PDE3B: variants seen among roughly 807,000 people sequenced by gnomAD.
PDE3B encodes phosphodiesterase 3B, also known as cGMP-inhibited 3',5'-cyclic phosphodiesterase 3B.
In PDE3B, 66 loss-of-function variants were observed where a neutral mutation model predicts 116.8. The observed-to-expected ratio is 0.56, with a 90% CI of 0.46 to 0.69. The LOEUF is 0.69. Ranked by LOEUF, PDE3B falls within the 30% of genes least tolerant of loss-of-function variation. The probability of loss-of-function intolerance (pLI) is 0.00; values close to 1 mark genes in which losing one functional copy is unlikely to be tolerated. For synonymous variants in PDE3B, 595 were observed against 533.6 expected (o/e 1.12, Z -1.59); for missense variants, 1,384 against 1,368.1 (o/e 1.01, Z -0.18).
At chr11:14,733,389 C>T (rs1018170013) in intron 1 of PDE3B, among the ~76,000 whole-genome samples, 1 of 152,006 alleles carries the variant, frequency 6.6e-6, no homozygotes, top group Non-Finnish European at 1.5e-5. Context: ...TCTTTTACTC[C>T]CAACCTCTCT....
intron 1 of PDE3B, among the ~76,000 whole-genome samples, chr11:14,650,201 GTT>G (rs59519371): frequency 4.8e-4 from 63 of 130,804 alleles, no homozygotes; most frequent in South Asian, 5.0e-4. Flanking sequence ...ATTCAGCAAT[GTT>G]TTTTTTTTTT....
chr11:14,887,944 C>T, the PDE3B span, among the ~76,000 whole-genome samples: 1 of 152,186 alleles, frequency 6.6e-6, no homozygotes, highest in African/African-American at 2.4e-5. Context: ...CTAATTTCAT[C>T]CTTGTCTTTT....
downstream of PDE3B, among the ~76,000 whole-genome samples, chr11:14,872,928 T>C (rs1365373213): frequency 6.6e-6 from 1 of 152,152 alleles, no homozygotes; most frequent in African/African-American, 2.4e-5. Context: ...TGTTCAAGGG[T>C]CAGCTGTATT....
chr11:14,893,602 GC>G, the PDE3B span, among the ~76,000 whole-genome samples: 2 of 152,168 alleles, frequency 1.3e-5, no homozygotes, highest in African/African-American at 4.8e-5. Context: ...TCTAGAGGCT[GC>G]CCACATTCCT....
intron 4 of PDE3B, among the ~76,000 whole-genome samples, chr11:14,802,157 C>A (rs182383050): frequency 6.6e-6 from 1 of 152,168 alleles, no homozygotes; most frequent in Non-Finnish European, 1.5e-5. Flanking sequence ...GTCTTGCTGG[C>A]GTTCCAGGTG....
At position 14,644,430 on chromosome 11, in the gene PDE3B, T is replaced by C. The variant is rs2133735724; in HGVS notation, c.355T>C (p.Leu119=). Residue 119 remains leucine (L), a synonymous_variant, in exon 1 of 16, where the codon TTG becomes CTG. Coordinates refer to ENST00000282096, the MANE Select transcript of PDE3B (RefSeq NM_000922.4). The stretch of plus-strand genomic sequence containing the variant: ...GCTGCTGAGCGTGTGTTCGCACAGC[T>C]TGAGCCCCCTCTTCAGCATCGCCTG... ...RTLLSVCSHS[L]SPLFSIACAF... is the part of the protein sequence containing the mutation. The C allele has an allele frequency of 6.2e-7, 1 of 1,612,646 alleles. No homozygotes were observed. The highest frequency in any genetic ancestry group is 8.5e-7 in the Non-Finnish European group (1 of 1,179,510).
Position 14,818,175 on chromosome 11 carries a change from T to G in PDE3B, c.1523-8T>G. The G allele has an allele frequency of 6.3e-7, 1 of 1,579,486 alleles. No homozygotes were observed. The highest frequency in any genetic ancestry group is 8.7e-7 in the Non-Finnish European group (1 of 1,149,590). ...ATTTATCTATCTCCTTTCTTTTAAT[T>G]TTTAAAGGTGTTTTGTCCAGTCTGA... On this transcript the variant is annotated splice_polypyrimidine_tract_variant and splice_region_variant and intron_variant, in intron 5 of 15. Transcript: ENST00000282096.
At position 14,807,023 on chromosome 11, in the gene PDE3B, C is replaced by T. The variant is rs184103499; in HGVS notation, c.1522+2973C>T. Among the ~76,000 whole-genome samples, 75 of 152,110 alleles carry T rather than the reference C, an allele frequency of 4.9e-4. 1 individual carries two copies. In the East Asian group the frequency reaches 8.1e-3, roughly 16 times the overall value. On this transcript the variant is annotated intron_variant, in intron 5 of 15. Coordinates refer to ENST00000282096, the MANE Select transcript of PDE3B (RefSeq NM_000922.4). ...ATCACAAGAACAGAAAACTAAACAC[C>T]GCATGTTCTCACTCATAAGTGGGAG...
intron 1 of PDE3B, among the ~76,000 whole-genome samples, chr11:14,685,695 A>G (rs1332488976): frequency 6.6e-6 from 1 of 152,002 alleles, no homozygotes; most frequent in Non-Finnish European, 1.5e-5. Flanking sequence ...ACCTCAGGTG[A>G]TCCACGCGCC....
intron 10 of PDE3B, 32 bp downstream of exon 10, chr11:14,832,865 C>A: frequency 1.1e-6 from 1 of 927,778 alleles, no homozygotes; most frequent in South Asian, 1.5e-5. Context: ...TATTTAAGTT[C>A]AAATAATATG....
intron 1 of PDE3B, among the ~76,000 whole-genome samples, chr11:14,679,635 G>T (rs540314751): frequency 9.9e-5 from 15 of 151,912 alleles, no homozygotes; most frequent in African/African-American, 3.6e-4. Context: ...TTTCTGGCTG[G>T]GATCACTCTG....
At chr11:14,702,652 T>G (rs953368330) in intron 1 of PDE3B, among the ~76,000 whole-genome samples, 1 of 151,874 alleles carries the variant, frequency 6.6e-6, no homozygotes, top group African/African-American at 2.4e-5. Flanking sequence ...AAATTAAAAT[T>G]AAAATGAATG....
the PDE3B span, chr11:14,890,784 G>C: frequency 2.5e-6 from 2 of 790,696 alleles, no homozygotes; most frequent in Non-Finnish European, 3.1e-6. Flanking sequence ...TCCTGATTTC[G>C]TGATCCGCCC....
Position 14,869,858 on chromosome 11 carries a change from T to C in PDE3B, c.*198T>C, listed in dbSNP as rs1848114594. On this transcript the variant is annotated 3_prime_UTR_variant, in exon 16 of 16. Coordinates refer to ENST00000282096, the MANE Select transcript of PDE3B (RefSeq NM_000922.4). ...CACTTTCACAGGAACTAGAAAACTA[T>C]TCTTAAACCAAAAATACCATCCGTG... The C allele has an allele frequency of 1.9e-6, 1 of 515,908 alleles. No homozygotes were observed. The highest frequency in any genetic ancestry group is 3.4e-6 in the Non-Finnish European group (1 of 293,318). The allele number at this position is 515,908 out of a possible 1,614,324, so 32.0% of individuals were successfully genotyped here.
chr11:14,879,570 G>A, the PDE3B span: 2 of 667,408 alleles, frequency 3.0e-6, no homozygotes, highest in South Asian at 3.5e-5. Flanking sequence ...TCCAGATTCA[G>A]ATTTTTTATT....
At chr11:14,693,015 A>G (rs532924008) in intron 1 of PDE3B, among the ~76,000 whole-genome samples, 5 of 152,324 alleles carry the variant, frequency 3.3e-5, no homozygotes, top group Admixed American at 2.0e-4. Context: ...AGTGAACACA[A>G]AAATGGAAGT....
rs1555006683 is a variant in PDE3B, at chr11:14,859,240, T to G, written c.2718T>G (p.Asn906Lys). ...ATTTTGATTTTCTCGCAGAATTCAA[T>G]GCCAAGGTTTGTTATGAAAATTAGT... ...KKHFDFLAEF[N>K]AKANDVNSNG... The change falls in exon 13 of 16, where the codon AAT becomes AAG. Residue 906 changes from asparagine (N) to lysine (K), a missense_variant. Coordinates refer to ENST00000282096, the MANE Select transcript of PDE3B (RefSeq NM_000922.4). The G allele has an allele frequency of 6.2e-6, 10 of 1,606,240 alleles. No homozygotes were observed.
intron 1 of PDE3B, among the ~76,000 whole-genome samples, chr11:14,664,452 A>C (rs531148203): frequency 5.5e-4 from 83 of 152,292 alleles, no homozygotes; most frequent in Non-Finnish European, 8.7e-4. Context: ...CACAAAAAAC[A>C]CTTCAAAAAA....
chr11:14,850,140 A>G (rs1847711448), intron 12 of PDE3B, among the ~76,000 whole-genome samples: 1 of 152,076 alleles, frequency 6.6e-6, no homozygotes, highest in South Asian at 2.1e-4. Context: ...CATATACACC[A>G]TGGAATACTA....
Sources: gnomAD v4.1 joint callset for allele counts (sites outside exome capture counted in the v4.1 genomes callset) on GRCh38, gnomAD v4.1.1 for gene constraint, MANE v1.5 for transcripts, NCBI Gene and HGNC (gene_info 2026-07-23, HGNC 2026-07-21) for gene names.